Variants in SECISBP2 observed in about 807,000 individuals in gnomAD.
SECISBP2 encodes selenocysteine insertion sequence-binding protein 2.
SECISBP2 carries 96 observed loss-of-function variants against 98.2 expected under a neutral mutation model. The observed-to-expected ratio is 0.98, with a 90% CI of 0.83 to 1.16. SECISBP2 has a LOEUF of 1.16. Ranked by LOEUF, SECISBP2 falls within the 50% of genes most tolerant of loss-of-function variation. The pLI is 0.00. For missense variants in SECISBP2, 1,046 were observed against 1,022.9 expected, an observed-to-expected ratio of 1.02 and a Z score of -0.31; for synonymous variants, 407 against 370.2, an observed-to-expected ratio of 1.10 and a Z score of -1.14.
chr9:89,365,004 C>T, the SECISBP2 span: 1 of 152,276 alleles, frequency 6.6e-6, no homozygotes, highest in Non-Finnish European at 1.5e-5. Flanking sequence ...CCCGGCCTTC[C>T]TTGCTCGTGA....
At position 89,349,818 on chromosome 9, in the gene SECISBP2, A is replaced by T. The variant is rs772496303; in HGVS notation, c.1781A>T (p.Glu594Val). 6 of 1,614,216 alleles carry T rather than the reference A, an allele frequency of 3.7e-6. No homozygotes were observed. Among genetic ancestry groups the T allele is most frequent in the Non-Finnish European group, 5.1e-6 (6 of 1,180,030 alleles). Residue 594 changes from glutamate (E) to valine (V), a missense_variant, in exon 13 of 17, where the codon GAG becomes GTG. Transcript: ENST00000375807. Reference protein sequence around the residue: ...MDELISTPSVEDKSEEPPGTE... With the variant: ...MDELISTPSVVDKSEEPPGTE... ...GAACTGATCTCCACTCCTTCGGTTG[A>T]GGACAAGTCTGAAGAGCCACCAGGC...
the SECISBP2 span, chr9:89,364,892 CTATT>C: frequency 8.1e-6 from 1 of 122,880 alleles, no homozygotes; most frequent in Non-Finnish European, 1.6e-5. Flanking sequence ...CTCCTAGACA[CTATT>C]TGTTCCAGGT....
chr9:89,334,553 T>C lies in SECISBP2; in HGVS notation c.912T>C (p.Val304=). The C allele has an allele frequency of 6.2e-7, 1 of 1,614,188 alleles. No homozygotes were observed. Among genetic ancestry groups the C allele is most frequent in the Non-Finnish European group, 8.5e-7 (1 of 1,180,032 alleles). ...CTTGGACACCAATGGGTTATGTTGT[T>C]CGACAGACATTATCTACAGAACTGT... is the stretch of plus-strand genomic sequence containing the variant. ...ELSWTPMGYV[V]RQTLSTELSA... Residue 304 remains valine, a synonymous_variant, in exon 7 of 17, where the codon GTT becomes GTC. Transcript: ENST00000375807.
In SECISBP2 at chr9:89,341,969, T is replaced by G. The variant is rs149867660; in HGVS notation, c.1435+490T>G. 3.8e-3 allele frequency among the ~76,000 whole-genome samples: 580 copies of G among 152,240 alleles called. 5 individuals are homozygous for G. Among genetic ancestry groups the G allele is most frequent in the African/African-American group, 0.013 (535 of 41,524 alleles). Reference sequence around the variant, plus strand: ...TTTGGACTTCATTAAAATTAAAAATTTTTGCATACCGAAGGACATTATCAA... The same window carrying G: ...TTTGGACTTCATTAAAATTAAAAATGTTTGCATACCGAAGGACATTATCAA... On this transcript the variant is annotated intron_variant, in intron 10 of 16. Coordinates refer to ENST00000375807, the MANE Select transcript of SECISBP2 (RefSeq NM_024077.5).
At chr9:89,360,917 T>A (rs780344151), downstream of SECISBP2, 2 of 152,216 alleles carry the variant, frequency 1.3e-5, no homozygotes, top group Admixed American at 6.5e-5. Context: ...ATTATTTTGT[T>A]AAGTGTGAAA....
intron 6 of SECISBP2, among the ~76,000 whole-genome samples, chr9:89,333,310 C>A (rs1047962026): frequency 6.6e-6 from 1 of 152,172 alleles, no homozygotes; most frequent in Non-Finnish European, 1.5e-5. Flanking sequence ...ATTGAGAACC[C>A]CAAAGAGCTC....
At chr9:89,360,402 A>G (rs1481514216), downstream of SECISBP2, among the ~76,000 whole-genome samples, 2 of 152,256 alleles carry the variant, frequency 1.3e-5, no homozygotes, top group East Asian at 3.8e-4. Context: ...AAAATAGCCT[A>G]TCAGCTGCAC....
Position 89,350,750 on chromosome 9 carries a change from C to T in SECISBP2, c.2011C>T (p.Arg671Cys), listed in dbSNP as rs1332884077. ...AGATCCAGTCAAGGCCAAGACTAAA[C>T]GTCGACTTGTGTTGGGGTTGAGGGA... The part of the protein sequence containing the change: ...QKDPVKAKTK[R>C]RLVLGLREVL... Residue 671 changes from arginine to cysteine, a missense_variant, in exon 14 of 17, where the codon CGT (arginine) becomes TGT (cysteine). Coordinates refer to ENST00000375807, the MANE Select transcript of SECISBP2 (RefSeq NM_024077.5). The T allele has an allele frequency of 4.3e-6, 7 of 1,614,224 alleles. No individual in the cohort carries two copies. Among genetic ancestry groups the T allele is most frequent in the Middle Eastern group, 1.6e-4 (1 of 6,062 alleles).
chr9:89,332,882 T>G (rs1185917109), intron 5 of SECISBP2, 26 bp from the exon 6 acceptor site: 29 of 1,566,852 alleles, frequency 1.9e-5, no homozygotes, highest in African/African-American at 2.7e-5. Context: ...ATTTCTCTGA[T>G]GACATCTAAT....
At chr9:89,360,739 A>C (rs376407996), downstream of SECISBP2, 2 of 152,234 alleles carry the variant, frequency 1.3e-5, no homozygotes, top group African/African-American at 4.8e-5. Context: ...ATGGTGCCGC[A>C]TGAAGCACAC....
chr9:89,347,542 G>A (rs147118968), intron 11 of SECISBP2, among the ~76,000 whole-genome samples: 3 of 144,710 alleles, frequency 2.1e-5, no homozygotes, highest in Non-Finnish European at 4.5e-5. Context: ...GAGCGATCTC[G>A]GCTCACTGCA....
chr9:89,326,135 T>C (rs544354305), intron 4 of SECISBP2, 97 bp downstream of exon 4: 3 of 1,435,578 alleles, frequency 2.1e-6, no homozygotes, highest in South Asian at 1.2e-5. Flanking sequence ...GGCTTGTTCA[T>C]TGTGACTACT....
intron 2 of SECISBP2, 33 bp downstream of exon 2, chr9:89,319,830 C>T: frequency 1.2e-6 from 2 of 1,610,244 alleles, no homozygotes; most frequent in Non-Finnish European, 8.5e-7. Context: ...TACCTAGGGG[C>T]TTACATTTTG....
intron 13 of SECISBP2, among the ~76,000 whole-genome samples, 164 bp downstream of exon 13, chr9:89,350,093 C>T (rs149804816): frequency 6.6e-6 from 1 of 152,302 alleles, no homozygotes; most frequent in African/African-American, 2.4e-5. Context: ...TCAGGGAGAG[C>T]CTAATCGTTG....
intron 2 of SECISBP2, chr9:89,323,957 T>C (rs1055255899): frequency 2.6e-5 from 4 of 152,170 alleles, no homozygotes; most frequent in Admixed American, 2.6e-4. Flanking sequence ...TGGATGAAAA[T>C]TTCCTGGATG....
Position 89,320,403 on chromosome 9 carries a change from TC to T in SECISBP2, c.182+607del, listed in dbSNP as rs1235425492. Among the ~76,000 whole-genome samples the T allele has an allele frequency of 2.6e-5, 4 of 151,394 alleles. No homozygotes were observed. In the East Asian group the frequency reaches 7.7e-4, roughly 29 times the overall value. The stretch of plus-strand genomic sequence containing the variant: ...AAATCCCGTTTCAAGGTTCATTTGT[TC>T]ATATGGTTTAAAAATATATCATATA... On this transcript the variant is annotated intron_variant, in intron 2 of 16. Transcript: ENST00000375807.
At chr9:89,362,331 G>A (rs1218526691), downstream of SECISBP2, 2 of 1,613,762 alleles carry the variant, frequency 1.2e-6, no homozygotes, top group Non-Finnish European at 1.7e-6. Context: ...CCTTCTCCGG[G>A]GGTGGCTGTG....
intron 2 of SECISBP2, 116 bp downstream of exon 2, chr9:89,319,913 C>T: frequency 5.4e-6 from 6 of 1,110,084 alleles, no homozygotes; most frequent in Non-Finnish European, 8.2e-6. Flanking sequence ...TGAGAGAATG[C>T]TCTTCAACCA....
intron 2 of SECISBP2, chr9:89,323,501 G>A (rs1462368903): frequency 6.6e-6 from 1 of 152,534 alleles, no homozygotes; most frequent in Non-Finnish European, 1.5e-5. Context: ...CCCAACGGGT[G>A]CCTGGAGGGA....
Sources: gnomAD v4.1 joint callset for allele counts (sites outside exome capture counted in the v4.1 genomes callset) on GRCh38, gnomAD v4.1.1 for gene constraint, MANE v1.5 for transcripts, NCBI Gene and HGNC (gene_info 2026-07-23, HGNC 2026-07-21) for gene names.